The following DNAAF9 variants were observed in gnomAD, a reference collection of about 807,000 sequenced individuals.
DNAAF9 encodes dynein axonemal assembly factor 9.
Under a neutral mutation model 167.0 loss-of-function variants are expected in DNAAF9, and 90 were observed. The ratio of observed to expected loss-of-function variants is 0.54; its 90% CI spans 0.45 to 0.64. The LOEUF (loss-of-function observed/expected upper bound fraction) is 0.64, where lower values mean the gene tolerates loss of function less well. DNAAF9 is among the 30% of genes least tolerant of loss of function. DNAAF9 has a pLI of 0.00. For synonymous variants in DNAAF9, 491 were observed against 508.8 expected, an observed-to-expected ratio of 0.96 and a Z score of 0.47; for missense variants, 1,315 against 1,442.2, an observed-to-expected ratio of 0.91 and a Z score of 1.43.
At chr20:3,371,368 G>A (rs1188735844) in intron 6 of DNAAF9, among the ~76,000 whole-genome samples, 1 of 117,356 alleles carries the variant, frequency 8.5e-6, no homozygotes, top group Non-Finnish European at 1.6e-5. Context: ...TTTGAGACTG[G>A]AGTCTCGCTC....
intron 16 of DNAAF9, 102 bp downstream of exon 16, chr20:3,322,115 G>A: frequency 1.3e-6 from 1 of 760,152 alleles, no homozygotes; most frequent in Non-Finnish European, 2.3e-6. Context: ...TTCTTCAGGT[G>A]GGGTGGGCTG....
At chr20:3,307,735 AAGT>A in intron 20 of DNAAF9, among the ~76,000 whole-genome samples, 1 of 152,094 alleles carries the variant, frequency 6.6e-6, no homozygotes, top group Non-Finnish European at 1.5e-5. Flanking sequence ...GTATCCCTGG[AAGT>A]CCAACAAAAG....
In DNAAF9 at chr20:3,374,107, C is replaced by A; in HGVS notation, c.553G>T (p.Val185Leu). 4.3e-6 allele frequency: 7 copies of A among 1,613,830 alleles called. No homozygotes were observed. The highest frequency in any genetic ancestry group is 5.9e-6 in the Non-Finnish European group (7 of 1,179,738). Residue 185 changes from valine to leucine, a missense_variant, in exon 6 of 37, where the codon GTA becomes TTA. Coordinates refer to ENST00000252032, the MANE Select transcript of DNAAF9 (RefSeq NM_001009984.3). ...DMFVVEKWPI[V>L]QAFALEGIGG... ...ATGCCCTCAAGTGCAAAGGCCTGTACAATTGGCCATTTCTCCACCACAAAC... is the reference window on the plus strand; with the variant it reads ...ATGCCCTCAAGTGCAAAGGCCTGTAAAATTGGCCATTTCTCCACCACAAAC...
intron 27 of DNAAF9, among the ~76,000 whole-genome samples, chr20:3,287,231 T>C (rs184443221): frequency 6.6e-4 from 100 of 152,272 alleles, no homozygotes; most frequent in African/African-American, 2.3e-3. Context: ...ATCCAGGGCA[T>C]GGTGAAGCTG....
intron 12 of DNAAF9, among the ~76,000 whole-genome samples, chr20:3,329,918 A>C (rs1181754767): frequency 6.6e-6 from 1 of 152,252 alleles, no homozygotes; most frequent in African/African-American, 2.4e-5. Context: ...TTGCACAGCC[A>C]GTGTTCACAC....
At chr20:3,307,047 C>G in intron 20 of DNAAF9, 1 of 985,390 alleles carries the variant, frequency 1.0e-6, no homozygotes, top group African/African-American at 1.7e-5. Context: ...TGAAAGGCCT[C>G]CTGGACAAAG....
chr20:3,287,617 ACT>A lies in DNAAF9; in HGVS notation c.2486+13_2486+14del. The stretch of plus-strand genomic sequence containing the variant: ...ACCCTGATTCGACTGTTTCCAGGAG[ACT>A]TCCAATGCTCACCCTTGTAACACCA... On this transcript the variant is annotated intron_variant, in intron 27 of 36. Transcript: ENST00000252032. 1 of 1,613,452 alleles carries A rather than the reference ACT, an allele frequency of 6.2e-7. No homozygotes were observed.
chr20:3,308,409 C>G (rs2069342735), intron 20 of DNAAF9, among the ~76,000 whole-genome samples: 1 of 142,402 alleles, frequency 7.0e-6, no homozygotes, highest in African/African-American at 2.6e-5. Context: ...GTGGTGCCAT[C>G]TCTGCTCACT....
Position 3,340,627 on chromosome 20 carries a change from C to T in DNAAF9, c.858G>A (p.Gln286=). The change falls in exon 10 of 37, where the codon CAG becomes CAA. Residue 286 remains glutamine (Q), a synonymous_variant. Transcript: ENST00000252032. ...SHITENSPNR[Q]PFVLFGNHST... ...AGTGATTACCAAAGAGAACAAATGGCTGCCGGTTAGGGCTAGAGAGGGAAG... is the reference window on the plus strand; with the variant it reads ...AGTGATTACCAAAGAGAACAAATGGTTGCCGGTTAGGGCTAGAGAGGGAAG... 1 of 1,614,062 alleles carries T rather than the reference C, an allele frequency of 6.2e-7. No individual in the cohort carries two copies. The highest frequency in any genetic ancestry group is 1.3e-5 in the African/African-American group (1 of 75,032).
chr20:3,347,251 G>T (rs2070210252), intron 8 of DNAAF9, among the ~76,000 whole-genome samples: 3 of 152,110 alleles, frequency 2.0e-5, no homozygotes, highest in African/African-American at 7.2e-5. Context: ...GATCTTTCAA[G>T]TATCAAAAGG....
At chr20:3,398,404 G>A (rs1263580035) in intron 1 of DNAAF9, among the ~76,000 whole-genome samples, 1 of 152,018 alleles carries the variant, frequency 6.6e-6, no homozygotes, top group East Asian at 1.9e-4. Context: ...CCTTTGAGTT[G>A]GATTACTGTC....
Position 3,350,132 on chromosome 20 carries a change from G to GACACAC in DNAAF9, c.691-1515_691-1510dup, listed in dbSNP as rs1306670611. Among the ~76,000 whole-genome samples, 27 of 137,548 alleles carry GACACAC rather than the reference G, an allele frequency of 2.0e-4. 1 individual carries two copies. Among genetic ancestry groups the GACACAC allele is most frequent in the African/African-American group, 1.9e-4 (7 of 35,972 alleles). 90.2% of individuals were successfully genotyped at this position (137,548 alleles called of 152,430 possible). ...TGCTGCCCAGACTATCAGACACACA[G>GACACAC]ACACACAGACACACAGACACACAGA... On this transcript the variant is annotated intron_variant, in intron 7 of 36. Coordinates refer to ENST00000252032, the MANE Select transcript of DNAAF9 (RefSeq NM_001009984.3).
intron 27 of DNAAF9, among the ~76,000 whole-genome samples, chr20:3,282,252 T>TCTCCAAA (rs1437597485): frequency 1.3e-5 from 2 of 152,172 alleles, no homozygotes; most frequent in African/African-American, 2.4e-5. Flanking sequence ...CCTGGAACTC[T>TCTCCAAA]CTCCAAACTC....
At chr20:3,316,625 G>C in intron 18 of DNAAF9, 98 bp downstream of exon 18, 1 of 788,246 alleles carries the variant, frequency 1.3e-6, no homozygotes. Context: ...TTCAGGACCT[G>C]ACATCCCACC....
chr20:3,341,242 C>G (rs2070078542), intron 9 of DNAAF9, among the ~76,000 whole-genome samples: 1 of 152,142 alleles, frequency 6.6e-6, no homozygotes, highest in Non-Finnish European at 1.5e-5. Flanking sequence ...GAGTTCTTGC[C>G]AAAGTCACCA....
chr20:3,298,178 A>G lies in DNAAF9; in HGVS notation c.1783-3T>C. 1 of 1,611,438 alleles carries G rather than the reference A, an allele frequency of 6.2e-7. No homozygotes were observed. On this transcript the variant is annotated splice_region_variant and splice_polypyrimidine_tract_variant and intron_variant, in intron 21 of 36. Coordinates refer to ENST00000252032, the MANE Select transcript of DNAAF9 (RefSeq NM_001009984.3). ...GCAGCAACAGTACTGGTGGAATCCT[A>G]AAGCGAAAAGGAGGGAGCATCAGCA...
intron 8 of DNAAF9, among the ~76,000 whole-genome samples, chr20:3,344,614 CACACACACACACACACACACACA>C (rs1339815534): frequency 6.6e-6 from 1 of 150,480 alleles, no homozygotes; most frequent in African/African-American, 2.5e-5. Context: ...CACACACACA[CACACACACACACACACACACACA>C]CACCTCATGT....
chr20:3,376,698 C>T (rs1419743890), intron 3 of DNAAF9, among the ~76,000 whole-genome samples: 1 of 152,202 alleles, frequency 6.6e-6, no homozygotes, highest in African/African-American at 2.4e-5. Context: ...AGGGTCCTTT[C>T]GTGTCATATA....
Position 3,375,123 on chromosome 20 carries a change from C to CAGA in DNAAF9, c.411_412insTCT (p.Tyr137_Glu138insSer), listed in dbSNP as rs1406252923. 1.3e-6 allele frequency: 2 copies of CAGA among 1,576,858 alleles called. No homozygotes were observed. Among genetic ancestry groups the CAGA allele is most frequent in the Non-Finnish European group, 1.7e-6 (2 of 1,146,384 alleles). On this transcript the variant is annotated inframe_insertion, in exon 5 of 37. Transcript: ENST00000252032. ...AATTCTTCTGCGGCTTCTTCATCTTCATACTGAAGAGACAAATCAAAAGAA... is the reference window on the plus strand; with the variant it reads ...AATTCTTCTGCGGCTTCTTCATCTTCAGAATACTGAAGAGACAAATCAAAAGAA...
Sources: allele counts gnomAD v4.1 joint callset (sites outside exome capture counted in the v4.1 genomes callset), GRCh38; gene constraint gnomAD v4.1.1; transcripts MANE v1.5; gene names NCBI Gene and HGNC (gene_info 2026-07-23, HGNC 2026-07-21).